The following HDAC8 variants were observed in gnomAD, a reference collection of about 807,000 sequenced individuals.
HDAC8 encodes the protein histone deacetylase 8, also known as histone deacetylase-like 1.
Under a neutral mutation model 32.2 loss-of-function variants are expected in HDAC8, and 1 was observed. That is an observed-to-expected ratio of 0.03 (90% CI 0.01 to 0.15). The LOEUF (loss-of-function observed/expected upper bound fraction) is 0.15, where lower values mean the gene tolerates loss of function less well. HDAC8 is among the 10% of genes least tolerant of loss of function. The probability of loss-of-function intolerance (pLI) is 1.00; values close to 1 mark genes in which losing one functional copy is unlikely to be tolerated. For missense variants in HDAC8, 117 were observed against 300.0 expected, an observed-to-expected ratio of 0.39 and a Z score of 4.51; for synonymous variants, 108 against 113.9, an observed-to-expected ratio of 0.95 and a Z score of 0.33.
chrX:72,553,320 A>C (rs894503899), intron 4 of HDAC8, among the ~76,000 whole-genome samples: 1 of 111,889 alleles, frequency 8.9e-6, no homozygotes, highest in Admixed American at 9.4e-5. Flanking sequence ...CTGGGATTAC[A>C]GGTGTGAGCC....
At chrX:72,571,874 G>A (rs1226406206) in intron 2 of HDAC8, 183 bp downstream of exon 2, 2 of 415,088 alleles carry the variant, frequency 4.8e-6, no homozygotes, top group Non-Finnish European at 8.0e-6. Flanking sequence ...GGCCCCCCAA[G>A]TTTTCTTAAT....
chrX:72,443,129 A>G (rs878944626), intron 9 of HDAC8, among the ~76,000 whole-genome samples: 1 of 110,842 alleles, frequency 9.0e-6, no homozygotes, highest in African/African-American at 3.3e-5. Flanking sequence ...CAGATCAGCG[A>G]GACAGAAAGT....
intron 4 of HDAC8, among the ~76,000 whole-genome samples, chrX:72,532,895 T>C (rs2050397361): frequency 1.8e-5 from 2 of 112,234 alleles, no homozygotes; most frequent in South Asian, 7.4e-4. Context: ...ATTCAATCTA[T>C]TTTTTTGTTA....
intron 9 of HDAC8, among the ~76,000 whole-genome samples, chrX:72,385,815 G>T (rs1555961237): frequency 8.9e-6 from 1 of 111,991 alleles, no homozygotes. Context: ...GAGTCACACA[G>T]TTTGGGGAGT....
intron 4 of HDAC8, among the ~76,000 whole-genome samples, chrX:72,555,398 C>G (rs1419431369): frequency 1.8e-5 from 2 of 111,733 alleles, no homozygotes; most frequent in Admixed American, 9.5e-5. Context: ...CAAACCAAGA[C>G]AAAAATCCCT....
intron 4 of HDAC8, among the ~76,000 whole-genome samples, chrX:72,562,269 TGGA>T (rs2051592921): frequency 1.8e-5 from 2 of 112,220 alleles, no homozygotes; most frequent in South Asian, 7.5e-4. Context: ...TGCAAAAATA[TGGA>T]ACCAGCCCAA....
Position 72,528,899 on chromosome X carries a change from C to T in HDAC8, c.438-33631G>A, listed in dbSNP as rs182383816. Among the ~76,000 whole-genome samples, 342 of 112,503 alleles carry T rather than the reference C, an allele frequency of 3.0e-3. 2 individuals are homozygous for T. The highest frequency in any genetic ancestry group is 5.9e-3 in the South Asian group (16 of 2,718). On this transcript the variant is annotated intron_variant, in intron 4 of 10. Coordinates refer to ENST00000373573, the MANE Select transcript of HDAC8 (RefSeq NM_018486.3). ...CTATCTAGATATCCAAACCCGTTCT[C>T]TTTGCCTCAATAAACATTGGTTGAA...
chrX:72,411,030 CTT>C (rs5902707), intron 9 of HDAC8, among the ~76,000 whole-genome samples: 2 of 83,572 alleles, frequency 2.4e-5, no homozygotes. Context: ...TTCTTTCTTT[CTT>C]TTTTTTTTTT....
chrX:72,462,258 G>C (rs2047888766), intron 8 of HDAC8, 160 bp from the exon 9 acceptor site: 2 of 440,633 alleles, frequency 4.5e-6, no homozygotes, highest in Non-Finnish European at 7.8e-6. Context: ...AAACCACCTA[G>C]TAGGCAGACT....
chrX:72,420,487 T>C (rs1226461692), intron 9 of HDAC8, among the ~76,000 whole-genome samples: 1 of 112,473 alleles, frequency 8.9e-6, no homozygotes, highest in Non-Finnish European at 1.9e-5. Context: ...TTTGCATCTT[T>C]CTTTTTTCTT....
At chrX:72,444,263 T>C (rs1555983517) in intron 9 of HDAC8, among the ~76,000 whole-genome samples, 1 of 103,866 alleles carries the variant, frequency 9.6e-6, no homozygotes, top group Non-Finnish European at 2.0e-5. Context: ...ATATCCTTGA[T>C]GAACATTGAT....
intron 9 of HDAC8, among the ~76,000 whole-genome samples, chrX:72,385,912 G>A (rs1417238264): frequency 1.8e-5 from 2 of 112,113 alleles, no homozygotes; most frequent in Non-Finnish European, 3.8e-5. Context: ...CAGGTCCACA[G>A]TGTCTAGTAA....
At chrX:72,552,971 GC>G (rs1556077965) in intron 4 of HDAC8, among the ~76,000 whole-genome samples, 1 of 110,568 alleles carries the variant, frequency 9.0e-6, no homozygotes, top group East Asian at 2.8e-4. Flanking sequence ...TTAGCCAACT[GC>G]CCTTTAAAAA....
At chrX:72,474,106 TCACA>T (rs2048261858) in intron 7 of HDAC8, 1 of 746,499 alleles carries the variant, frequency 1.3e-6, no homozygotes, top group Non-Finnish European at 1.6e-6. Flanking sequence ...TCATATACAT[TCACA>T]CACTTTGTAA....
At chrX:72,333,834 C>T (rs1555941494) in intron 10 of HDAC8, among the ~76,000 whole-genome samples, 1 of 111,488 alleles carries the variant, frequency 9.0e-6, no homozygotes, top group African/African-American at 3.3e-5. Context: ...TGAGGACAAC[C>T]TACAGGGGAC....
chrX:72,366,268 C>T (rs1451071544), intron 9 of HDAC8, among the ~76,000 whole-genome samples: 1 of 112,202 alleles, frequency 8.9e-6, no homozygotes, highest in Non-Finnish European at 1.9e-5. Flanking sequence ...AACTTGAAAG[C>T]AGGACATACA....
At chrX:72,559,073 GTCTCCC>G (rs1322516642) in intron 4 of HDAC8, among the ~76,000 whole-genome samples, 3 of 8,779 alleles carry the variant, frequency 3.4e-4, no homozygotes, top group Non-Finnish European at 6.3e-4. Context: ...CCTCCCCACG[GTCTCCC>G]TCTCCCTCTC....
chrX:72,469,600 C>T (rs1376966975), intron 7 of HDAC8, among the ~76,000 whole-genome samples: 1 of 112,278 alleles, frequency 8.9e-6, no homozygotes, highest in African/African-American at 3.2e-5. Flanking sequence ...GGATGAACCA[C>T]ACCATCAGAA....
intron 4 of HDAC8, among the ~76,000 whole-genome samples, chrX:72,539,228 T>TTATG (rs2050622155): frequency 9.0e-6 from 1 of 110,814 alleles, no homozygotes; most frequent in East Asian, 2.9e-4. Flanking sequence ...ATTTATTTAT[T>TTATG]TATTTATTTA....
Sources: gnomAD v4.1 joint callset for allele counts (sites outside exome capture counted in the v4.1 genomes callset) on GRCh38, gnomAD v4.1.1 for gene constraint, MANE v1.5 for transcripts, NCBI Gene and HGNC (gene_info 2026-07-23, HGNC 2026-07-21) for gene names.